ECHS1: variants seen among roughly 807,000 people sequenced by gnomAD.
ECHS1 encodes enoyl-CoA hydratase, mitochondrial.
In ECHS1, 19 loss-of-function variants were observed where a neutral mutation model predicts 33.5. The ratio of observed to expected loss-of-function variants is 0.57; its 90% confidence interval spans 0.40 to 0.83. ECHS1 has a LOEUF of 0.83. ECHS1 is among the 40% of genes least tolerant of loss of function. ECHS1 has a pLI of 0.00. For synonymous variants in ECHS1, 158 were observed against 146.6 expected, an observed-to-expected ratio of 1.08 and a Z score of -0.56; for missense variants, 365 against 381.3, an observed-to-expected ratio of 0.96 and a Z score of 0.36.
At chr10:133,364,937 T>C (rs1849010176) in intron 6 of ECHS1, among the ~76,000 whole-genome samples, 1 of 151,904 alleles carries the variant, frequency 6.6e-6, no homozygotes, top group South Asian at 2.1e-4. Flanking sequence ...CCCCCAAACG[T>C]CACACTCCGG....
intron 3 of ECHS1, among the ~76,000 whole-genome samples, chr10:133,369,547 GC>G (rs66501669): frequency 1 from 131,622 of 132,142 alleles, 65,551 homozygotes; most frequent in Middle Eastern, 1. Flanking sequence ...TGATCACATT[GC>G]CTTCCCTATA....
At chr10:133,365,309 T>C (rs1013383377) in intron 6 of ECHS1, among the ~76,000 whole-genome samples, 2 of 152,148 alleles carry the variant, frequency 1.3e-5, no homozygotes, top group Admixed American at 6.6e-5. Flanking sequence ...CTCTCCTCAC[T>C]GTATCCTGCC....
At chr10:133,368,886 C>A in intron 4 of ECHS1, 37 bp downstream of exon 4, 1 of 1,588,688 alleles carries the variant, frequency 6.3e-7, no homozygotes. Flanking sequence ...GAGTAATTAC[C>A]TAAGGCATCT....
chr10:133,364,317 T>C (rs1435348895), intron 7 of ECHS1, among the ~76,000 whole-genome samples: 2 of 152,122 alleles, frequency 1.3e-5, no homozygotes, highest in African/African-American at 4.8e-5. Flanking sequence ...ACGACCCGCC[T>C]CAGCCTCCCA....
chr10:133,365,043 A>C (rs1326508811), intron 6 of ECHS1, among the ~76,000 whole-genome samples: 2 of 152,238 alleles, frequency 1.3e-5, no homozygotes, highest in African/African-American at 4.8e-5. Context: ...ACGGGGCTGC[A>C]AACAGAGAAA....
chr10:133,365,046 CAG>C (rs563270402), intron 6 of ECHS1, among the ~76,000 whole-genome samples: 15 of 152,190 alleles, frequency 9.9e-5, no homozygotes, highest in Non-Finnish European at 1.0e-4. Flanking sequence ...GGGCTGCAAA[CAG>C]AGAAAAATAA....
chr10:133,370,122 C>T (rs1849084124), intron 2 of ECHS1, 91 bp from the exon 3 acceptor site: 2 of 1,536,576 alleles, frequency 1.3e-6, no homozygotes, highest in Non-Finnish European at 1.8e-6. Context: ...CTTCAGAGCA[C>T]ACCAGACACA....
chr10:133,366,834 T>C (rs1589881012), intron 5 of ECHS1, 55 bp downstream of exon 5: 2 of 1,428,210 alleles, frequency 1.4e-6, no homozygotes, highest in South Asian at 1.1e-5. Flanking sequence ...TGGGTTTCTG[T>C]GGGGCTCCCA....
Position 133,370,514 on chromosome 10 carries a change from C to T in ECHS1, c.286+46G>A, listed in dbSNP as rs1287078702. ...GAGGCTTCTCCCAAGGCCATACGTG[C>T]CTCCCACATCTGCCCAGACACAAAG... On this transcript the variant is annotated intron_variant, in intron 2 of 7. Transcript: ENST00000368547. The T allele has an allele frequency of 2.7e-6, 4 of 1,457,080 alleles. No individual in the cohort carries two copies. The Admixed American group carries it at 8.0e-5, about 29-fold the overall frequency. The allele number at this position is 1,457,080 out of a possible 1,614,324, so 90.3% of individuals were successfully genotyped here.
At chr10:133,367,056 T>G (rs1849044383) in intron 4 of ECHS1, 63 bp from the exon 5 acceptor site, 2 of 1,381,120 alleles carry the variant, frequency 1.4e-6, no homozygotes, top group Non-Finnish European at 2.0e-6. Flanking sequence ...ACATCACAGC[T>G]GTGCAGCCAG....
intron 7 of ECHS1, 90 bp downstream of exon 7, chr10:133,364,568 G>T: frequency 1.9e-6 from 2 of 1,045,282 alleles, no homozygotes; most frequent in Admixed American, 1.9e-5. Context: ...AGAAAGAAAC[G>T]ATACTTAATG....
chr10:133,368,747 C>A (rs532031817), intron 4 of ECHS1, among the ~76,000 whole-genome samples, 176 bp downstream of exon 4: 3 of 152,200 alleles, frequency 2.0e-5, no homozygotes, highest in African/African-American at 7.2e-5. Context: ...AAGGCCCCCC[C>A]CAAGCTCTGT....
intron 6 of ECHS1, 128 bp downstream of exon 6, chr10:133,365,848 G>C: frequency 8.6e-7 from 1 of 1,158,038 alleles, no homozygotes; most frequent in Non-Finnish European, 1.2e-6. Flanking sequence ...GCAGAACTGA[G>C]ACACTGAGAA....
At position 133,368,442 on chromosome 10, in the gene ECHS1, C is replaced by T. The variant is rs1194739100; in HGVS notation, c.514+481G>A. On this transcript the variant is annotated intron_variant, in intron 4 of 7. Coordinates refer to ENST00000368547, the MANE Select transcript of ECHS1 (RefSeq NM_004092.4). ...GGCTGCTCGGCCTGGGCCCACCCTT[C>T]CTACCAGGAGAACCCTGGGGTTAGA... Among the ~76,000 whole-genome samples, 5 of 152,304 alleles carry T rather than the reference C, an allele frequency of 3.3e-5. No individual in the cohort carries two copies. In the East Asian group the frequency reaches 9.7e-4, roughly 29 times the overall value.
intron 7 of ECHS1, 144 bp downstream of exon 7, chr10:133,364,514 G>T: frequency 1.5e-6 from 1 of 667,446 alleles, no homozygotes. Flanking sequence ...CCCACTGATG[G>T]AACCAATCTG....
At chr10:133,370,438 G>C in intron 2 of ECHS1, 122 bp downstream of exon 2, 1 of 1,095,036 alleles carries the variant, frequency 9.1e-7, no homozygotes, top group Non-Finnish European at 1.3e-6. Context: ...CGATATTTGA[G>C]GAAGTCCCCA....
At chr10:133,368,452 G>T (rs1444297372) in intron 4 of ECHS1, among the ~76,000 whole-genome samples, 1 of 152,122 alleles carries the variant, frequency 6.6e-6, no homozygotes, top group Admixed American at 6.5e-5. Context: ...CCTACCAGGA[G>T]AACCCTGGGG....
intron 3 of ECHS1, among the ~76,000 whole-genome samples, chr10:133,369,549 C>T (rs111861819): frequency 0.12 from 2 of 16 alleles, no homozygotes; most frequent in South Asian, 0.5. Flanking sequence ...ATCACATTGC[C>T]TTCCCTATAG....
chr10:133,370,574 T>TC lies in ECHS1; in HGVS notation c.271dup (p.Asp91GlyfsTer2). ...GCCGCGCGTACCTGCAAAGGCCTTATCCCCGCCGGTGAGGACAATGGCCCC... is the reference window on the plus strand; with the variant it reads ...GCCGCGCGTACCTGCAAAGGCCTTATCCCCCGCCGGTGAGGACAATGGCCCC... On this transcript the variant is annotated frameshift_variant, in exon 2 of 8. Transcript: ENST00000368547. LOFTEE classifies it high-confidence loss of function. 6.3e-7 allele frequency: 1 copy of TC among 1,592,884 alleles called. No individual in the cohort carries two copies. Among genetic ancestry groups the TC allele is most frequent in the Non-Finnish European group, 8.5e-7 (1 of 1,170,356 alleles).
Sources: gnomAD v4.1 joint callset for allele counts (sites outside exome capture counted in the v4.1 genomes callset) on GRCh38, gnomAD v4.1.1 for gene constraint, MANE v1.5 for transcripts, NCBI Gene and HGNC (gene_info 2026-07-23, HGNC 2026-07-21) for gene names.